The following XKR4 variants were observed in gnomAD, a reference collection of about 807,000 sequenced individuals.
XKR4 encodes the protein XK-related protein 4.
In XKR4, 12 loss-of-function variants were observed where a neutral mutation model predicts 53.9. The ratio of observed to expected loss-of-function variants is 0.22; its 90% CI spans 0.14 to 0.36. The LOEUF is 0.36. XKR4 is among the 10% of genes least tolerant of loss of function. The pLI is 1.00. For missense variants in XKR4, 799 were observed against 859.5 expected, an observed-to-expected ratio of 0.93 and a Z score of 0.88; for synonymous variants, 354 against 362.4, an observed-to-expected ratio of 0.98 and a Z score of 0.26.
intron 2 of XKR4, chr8:55,451,787 A>T: frequency 9.7e-7 from 1 of 1,026,840 alleles, no homozygotes; most frequent in Non-Finnish European, 1.5e-6. Flanking sequence ...AGGCCAAGGC[A>T]CTGATAGTCG....
chr8:55,228,733 A>G (rs1005687492), intron 1 of XKR4, among the ~76,000 whole-genome samples: 1 of 152,196 alleles, frequency 6.6e-6, no homozygotes. Flanking sequence ...TTCTTTATGT[A>G]GTAGCGCCAT....
chr8:55,507,017 T>C (rs1806541601), intron 2 of XKR4, among the ~76,000 whole-genome samples: 1 of 152,230 alleles, frequency 6.6e-6, no homozygotes, highest in African/African-American at 2.4e-5. Context: ...TTATTCTCTG[T>C]CAATCATTTA....
chr8:55,338,388 A>G (rs77770161), intron 1 of XKR4, among the ~76,000 whole-genome samples: 12,460 of 152,212 alleles, frequency 0.082, 1,486 homozygotes, highest in African/African-American at 0.26. Context: ...CCAGGGCACC[A>G]GAGTAGGAGC....
intron 1 of XKR4, among the ~76,000 whole-genome samples, chr8:55,323,792 C>CT (rs1467709335): frequency 2.0e-5 from 3 of 152,134 alleles, no homozygotes; most frequent in Non-Finnish European, 2.9e-5. Flanking sequence ...CTCTCCAAGT[C>CT]TTTTTTTGTC....
chr8:55,227,499 A>G (rs1281287739), intron 1 of XKR4, among the ~76,000 whole-genome samples: 1 of 152,218 alleles, frequency 6.6e-6, no homozygotes, highest in African/African-American at 2.4e-5. Flanking sequence ...GGTTGAATCA[A>G]TGCACCAACC....
intron 2 of XKR4, among the ~76,000 whole-genome samples, chr8:55,368,509 C>T (rs1804026383): frequency 6.6e-6 from 1 of 152,158 alleles, no homozygotes; most frequent in Non-Finnish European, 1.5e-5. Context: ...TTTCACTCTC[C>T]CAGGTCTTCA....
At chr8:55,337,069 C>T (rs746462232) in intron 1 of XKR4, among the ~76,000 whole-genome samples, 7 of 151,952 alleles carry the variant, frequency 4.6e-5, no homozygotes, top group Non-Finnish European at 8.8e-5. Flanking sequence ...TTCTGTGTGC[C>T]GCAGTTACAT....
intron 1 of XKR4, among the ~76,000 whole-genome samples, chr8:55,236,023 G>T (rs1818116483): frequency 1.3e-5 from 2 of 152,132 alleles, no homozygotes; most frequent in African/African-American, 4.8e-5. Context: ...AGCTTGCCTT[G>T]TTCCAGGCCT....
At chr8:55,470,861 A>G (rs1476879004) in intron 2 of XKR4, among the ~76,000 whole-genome samples, 1 of 152,156 alleles carries the variant, frequency 6.6e-6, no homozygotes, top group African/African-American at 2.4e-5. Flanking sequence ...CTAAAGCAAC[A>G]TGGCTATTAA....
intron 1 of XKR4, among the ~76,000 whole-genome samples, chr8:55,250,312 CAATAACAT>C (rs1818346380): frequency 1.3e-5 from 2 of 152,144 alleles, no homozygotes; most frequent in South Asian, 4.1e-4. Flanking sequence ...TCTCTTCTGA[CAATAACAT>C]AATAGAATGA....
chr8:55,272,870 C>A (rs1486766639), intron 1 of XKR4: 4 of 449,290 alleles, frequency 8.9e-6, no homozygotes, highest in Non-Finnish European at 1.8e-5. Context: ...TGTAGAATGA[C>A]TTCCTTTCCT....
intron 1 of XKR4, among the ~76,000 whole-genome samples, chr8:55,235,726 G>A (rs1043553876): frequency 7.9e-5 from 12 of 152,038 alleles, no homozygotes; most frequent in Admixed American, 1.3e-4. Flanking sequence ...ATGAAATGAC[G>A]CTGCAGCAAT....
At chr8:55,179,962 G>A (rs1817284788) in intron 1 of XKR4, among the ~76,000 whole-genome samples, 3 of 152,266 alleles carry the variant, frequency 2.0e-5, no homozygotes, top group South Asian at 2.1e-4. Context: ...GCAGAACCTA[G>A]AATAACAAGC....
At chr8:55,349,325 T>C (rs1055601030) in intron 1 of XKR4, among the ~76,000 whole-genome samples, 1 of 152,178 alleles carries the variant, frequency 6.6e-6, no homozygotes, top group African/African-American at 2.4e-5. Flanking sequence ...GTAAATACCA[T>C]CTGAGCGTTT....
At position 55,444,301 on chromosome 8, in the gene XKR4, G is replaced by A. The variant is rs143940891; in HGVS notation, c.1007-78980G>A. 3.0e-4 allele frequency among the ~76,000 whole-genome samples: 46 copies of A among 152,274 alleles called. 1 individual carries two copies. The highest frequency in any genetic ancestry group is 1.0e-3 in the African/African-American group (43 of 41,558). On this transcript the variant is annotated intron_variant, in intron 2 of 2. Transcript: ENST00000327381. ...ACCATTAAGAGAAAGTATAGGAAGC[G>A]AACTCAGGATATGGATTAATCTCTC... is the stretch of plus-strand genomic sequence containing the variant.
rs1806841989 is a variant in XKR4 at position 55,523,922 on chromosome 8, T to A, written c.1648T>A (p.Ser550Thr). 6.2e-7 allele frequency: 1 copy of A among 1,614,174 alleles called. No individual in the cohort carries two copies. The highest frequency in any genetic ancestry group is 1.1e-5 in the South Asian group (1 of 91,076). The stretch of plus-strand genomic sequence containing the variant: ...GGCCACAAGCACCCTACGGTCCATC[T>A]CCAACAACCGCAGTGTTGTCAGCGA... ...DVATSTLRSI[S>T]NNRSVVSDRD... is the part of the protein sequence containing the mutation. Residue 550 changes from serine (S) to threonine (T), a missense_variant, in exon 3 of 3, where the codon TCC (serine) becomes ACC (threonine). By Grantham distance (58) the Ser-to-Thr change is moderately conservative (BLOSUM62 1). This residue lies in a region of XKR4 where 269 missense variants were observed against 264.4 expected (regional missense o/e 1.02). Transcript: ENST00000327381.
chr8:55,275,848 C>T (rs898868315), intron 1 of XKR4, among the ~76,000 whole-genome samples: 2 of 152,118 alleles, frequency 1.3e-5, no homozygotes, highest in African/African-American at 4.8e-5. Flanking sequence ...TGTCAGATTC[C>T]CCTCAGAACA....
chr8:55,457,998 G>T (rs955900339), intron 2 of XKR4, among the ~76,000 whole-genome samples: 2 of 151,956 alleles, frequency 1.3e-5, no homozygotes, highest in African/African-American at 4.8e-5. Context: ...CTAAATGAAA[G>T]GAGATATACC....
intron 2 of XKR4, among the ~76,000 whole-genome samples, chr8:55,420,163 A>T (rs1404703800): frequency 6.6e-6 from 1 of 152,172 alleles, no homozygotes; most frequent in African/African-American, 2.4e-5. Context: ...TCTCTCTAAG[A>T]AAGCAAAAGA....
Sources: allele counts gnomAD v4.1 joint callset (sites outside exome capture counted in the v4.1 genomes callset), GRCh38; gene constraint gnomAD v4.1.1; regional missense constraint gnomAD v4.1.1; transcripts MANE v1.5; gene names NCBI Gene and HGNC (gene_info 2026-07-23, HGNC 2026-07-21).